The following GFRAL variants were observed in gnomAD, a reference collection of about 807,000 sequenced individuals.
GFRAL encodes the protein GDNF family receptor alpha like, also known as GDNF family receptor alpha-like.
In GFRAL, 36 loss-of-function variants were observed where a neutral mutation model predicts 45.4. The observed-to-expected ratio is 0.79, with a 90% confidence interval of 0.61 to 1.05. GFRAL has a LOEUF of 1.05. Among genes scored for constraint, GFRAL ranks in the 50% least tolerant of loss-of-function variants. The probability of loss-of-function intolerance (pLI) is 0.00; values close to 1 mark genes in which losing one functional copy is unlikely to be tolerated. For synonymous variants in GFRAL, 166 were observed against 154.1 expected, an observed-to-expected ratio of 1.08 and a Z score of -0.57; for missense variants, 507 against 467.5, an observed-to-expected ratio of 1.08 and a Z score of -0.78.
In GFRAL at chr6:55,400,154, A is replaced by T. The variant is rs63662360; in HGVS notation, c.1121+713A>T. Among the ~76,000 whole-genome samples the T allele has an allele frequency of 5.1e-3, 86 of 16,944 alleles. 2 individuals carry two copies. Among genetic ancestry groups the T allele is most frequent in the African/African-American group, 0.01 (83 of 8,156 alleles). The allele number at this position is 16,944 out of a possible 152,430, so 11.1% of individuals were successfully genotyped here. On this transcript the variant is annotated intron_variant, in intron 8 of 8. Coordinates refer to ENST00000340465, the MANE Select transcript of GFRAL (RefSeq NM_207410.2). ...AAATAGTGTAGACTTGCCTTTAATT[A>T]AAAAAAACTCACATTTAAACATCAA... is the stretch of plus-strand genomic sequence containing the variant.
chr6:55,361,886 G>T (rs1274493967), intron 6 of GFRAL, among the ~76,000 whole-genome samples: 1 of 151,968 alleles, frequency 6.6e-6, no homozygotes, highest in Non-Finnish European at 1.5e-5. Flanking sequence ...TGAGAGGACT[G>T]TGAAGGGAGG....
At chr6:55,384,547 T>C (rs1768655153) in intron 6 of GFRAL, among the ~76,000 whole-genome samples, 1 of 152,042 alleles carries the variant, frequency 6.6e-6, no homozygotes. Context: ...CTGAGTGTCA[T>C]CACTTGATTT....
At chr6:55,401,689 T>C in intron 8 of GFRAL, 101 bp from the exon 9 acceptor site, 1 of 731,654 alleles carries the variant, frequency 1.4e-6, no homozygotes, top group Non-Finnish European at 2.4e-6. Flanking sequence ...ATTAGTTTTT[T>C]CCTCCAGGTG....
chr6:55,333,895 C>T lies in GFRAL; in HGVS notation c.267C>T (p.Phe89=). Residue 89 remains phenylalanine, a synonymous_variant, in exon 3 of 9, where the codon TTC becomes TTT. Transcript: ENST00000340465. The part of the protein sequence containing the change: ...QFKECLCTDD[F]YCTVNKLLGK... ...AAGAGTGTCTTTGCACTGATGACTT[C>T]TATTGTACTGTGAACAAACTGCTTG... 1 of 1,603,980 alleles carries T rather than the reference C, an allele frequency of 6.2e-7. No individual in the cohort carries two copies. Among genetic ancestry groups the T allele is most frequent in the Non-Finnish European group, 8.5e-7 (1 of 1,174,998 alleles).
At chr6:55,369,487 G>T (rs1331230948) in intron 6 of GFRAL, among the ~76,000 whole-genome samples, 6 of 152,100 alleles carry the variant, frequency 3.9e-5, no homozygotes, top group South Asian at 2.1e-4. Context: ...CTTTTTAAAG[G>T]TCATATCATA....
intron 6 of GFRAL, among the ~76,000 whole-genome samples, chr6:55,377,205 A>G (rs936385461): frequency 3.9e-5 from 6 of 151,968 alleles, no homozygotes; most frequent in African/African-American, 1.4e-4. Context: ...AGCCCCCAAT[A>G]GGCAGTTTCT....
At chr6:55,350,005 TTACTC>T (rs1293707348) in intron 3 of GFRAL, 82 bp from the exon 4 acceptor site, 1 of 772,294 alleles carries the variant, frequency 1.3e-6, no homozygotes, top group African/African-American at 1.7e-5. Flanking sequence ...TATGTGGACT[TTACTC>T]ATTTATAAAT....
chr6:55,381,376 C>T (rs1768605445), intron 6 of GFRAL, among the ~76,000 whole-genome samples: 1 of 151,944 alleles, frequency 6.6e-6, no homozygotes, highest in African/African-American at 2.4e-5. Flanking sequence ...CTATCGATCC[C>T]TCATGTTAGA....
chr6:55,391,689 G>T (rs1009495181), intron 6 of GFRAL, among the ~76,000 whole-genome samples: 1 of 151,214 alleles, frequency 6.6e-6, no homozygotes, highest in Non-Finnish European at 1.5e-5. Flanking sequence ...GTTCAAAGTT[G>T]CAGTGAAGTA....
chr6:55,348,909 C>A (rs1768080382), intron 3 of GFRAL, among the ~76,000 whole-genome samples: 1 of 152,066 alleles, frequency 6.6e-6, no homozygotes, highest in Admixed American at 6.6e-5. Flanking sequence ...ATTCCCAATG[C>A]AGGGGTACTA....
chr6:55,373,110 T>A (rs1195167229), intron 6 of GFRAL, among the ~76,000 whole-genome samples: 1 of 151,882 alleles, frequency 6.6e-6, no homozygotes, highest in Non-Finnish European at 1.5e-5. Context: ...AAACTTCTAT[T>A]CAAAATCAGG....
At chr6:55,348,704 C>G (rs1317743177) in intron 3 of GFRAL, among the ~76,000 whole-genome samples, 1 of 151,988 alleles carries the variant, frequency 6.6e-6, no homozygotes, top group African/African-American at 2.4e-5. Flanking sequence ...GATCAGGGCC[C>G]CACTCTTATG....
rs1164401982 is a variant in GFRAL, at chr6:55,334,846, T to C, written c.316+902T>C. Among the ~76,000 whole-genome samples, 4 of 152,230 alleles carry C rather than the reference T, an allele frequency of 2.6e-5. No individual in the cohort carries two copies. The East Asian group carries it at 7.7e-4, about 29-fold the overall frequency. ...TTTAACATAATACATTAGAGATTCA[T>C]TAATTTTTCTCATGTGTAAGTTTAT... On this transcript the variant is annotated intron_variant, in intron 3 of 8. Transcript: ENST00000340465.
chr6:55,401,183 T>C (rs1581764304), intron 8 of GFRAL, among the ~76,000 whole-genome samples: 1 of 152,218 alleles, frequency 6.6e-6, no homozygotes, highest in African/African-American at 2.4e-5. Flanking sequence ...ATTCATACTA[T>C]TAAATATATT....
chr6:55,358,637 A>G (rs866517300), intron 5 of GFRAL, among the ~76,000 whole-genome samples: 3 of 151,984 alleles, frequency 2.0e-5, no homozygotes, highest in South Asian at 4.1e-4. Context: ...ATAAAGGAAA[A>G]TCCATCCGTG....
At chr6:55,391,153 GTTC>G (rs199601747) in intron 6 of GFRAL, among the ~76,000 whole-genome samples, 2,051 of 117,082 alleles carry the variant, frequency 0.018, 45 homozygotes, top group African/African-American at 0.071. Context: ...TACAGCCACT[GTTC>G]TTGGATTTGC....
At chr6:55,346,258 A>G (rs1768040137) in intron 3 of GFRAL, among the ~76,000 whole-genome samples, 1 of 152,190 alleles carries the variant, frequency 6.6e-6, no homozygotes, top group South Asian at 2.1e-4. Context: ...TTACTGCAAC[A>G]CTATTCACAA....
chr6:55,343,657 A>C (rs1013074348), intron 3 of GFRAL, among the ~76,000 whole-genome samples: 1 of 152,194 alleles, frequency 6.6e-6, no homozygotes, highest in Non-Finnish European at 1.5e-5. Flanking sequence ...AGCTAGCAGA[A>C]GGCAAGAAAT....
intron 6 of GFRAL, among the ~76,000 whole-genome samples, chr6:55,391,207 C>T (rs1314500448): frequency 6.6e-6 from 1 of 151,972 alleles, no homozygotes; most frequent in African/African-American, 2.4e-5. Context: ...TTAGTTCTCT[C>T]TTCTATTATT....
Sources: gnomAD v4.1 joint callset for allele counts (sites outside exome capture counted in the v4.1 genomes callset) on GRCh38, gnomAD v4.1.1 for gene constraint, MANE v1.5 for transcripts, NCBI Gene and HGNC (gene_info 2026-07-23, HGNC 2026-07-21) for gene names.